BIVM: variants seen among roughly 807,000 people sequenced by gnomAD.
The protein encoded by BIVM is basic, immunoglobulin-like variable motif containing.
In BIVM, 31 loss-of-function variants were observed where a neutral mutation model predicts 61.4. That is an observed-to-expected ratio of 0.51 (90% CI 0.38 to 0.68). The LOEUF is 0.68. Among genes scored for constraint, BIVM ranks in the 30% least tolerant of loss-of-function variants. The pLI is 0.00. For synonymous variants in BIVM, 189 were observed against 210.7 expected (o/e 0.90, Z 0.89); for missense variants, 526 against 596.0 (o/e 0.88, Z 1.22).
chr13:102,839,473 G>A (rs902811638), intron 10 of BIVM, 99 bp from the exon 11 acceptor site: 14 of 1,459,508 alleles, frequency 9.6e-6, no homozygotes, highest in African/African-American at 1.4e-5. Flanking sequence ...TTCTGAGGCC[G>A]GTGAAGTAAA....
chr13:102,811,088 A>G (rs2139165388), intron 3 of BIVM, among the ~76,000 whole-genome samples: 1 of 152,366 alleles, frequency 6.6e-6, no homozygotes, highest in Admixed American at 6.5e-5. Context: ...CTCATAAATC[A>G]TATAGAATAC....
At position 102,813,288 on chromosome 13, in the gene BIVM, T is replaced by A. The variant is rs116137484; in HGVS notation, c.479-3140T>A. Among the ~76,000 whole-genome samples the A allele has an allele frequency of 4.1e-3, 622 of 152,336 alleles. 3 individuals are homozygous for A. The highest frequency in any genetic ancestry group is 0.014 in the African/African-American group (581 of 41,582). On this transcript the variant is annotated intron_variant, in intron 3 of 10. Coordinates refer to ENST00000257336, the MANE Select transcript of BIVM (RefSeq NM_017693.4). ...TCTTCCTGAATTGACCCTTTTATCA[T>A]TATGAAATATATTTCGTTATTCCTG... is the stretch of plus-strand genomic sequence containing the variant.
chr13:102,821,244 G>A, intron 5 of BIVM, 112 bp downstream of exon 5: 1 of 916,428 alleles, frequency 1.1e-6, no homozygotes, highest in South Asian at 1.8e-5. Context: ...ACAAAACCCT[G>A]CTGTATTTTA....
Position 102,816,444 on chromosome 13 carries a change from A to C in BIVM, c.495A>C (p.Gln165His), listed in dbSNP as rs746709677. The C allele has an allele frequency of 5.1e-6, 8 of 1,582,112 alleles. No individual in the cohort carries two copies. In the South Asian group the frequency reaches 9.4e-5, roughly 19 times the overall value. ...GTATTCTAGGCAATGCAAAGAAACA[A>C]GTTTCCAAGAGAAAAACTTCAGATA... ...SKHKSGNAKK[Q>H]VSKRKTSDKK... The change falls in exon 4 of 11, where the codon CAA (glutamine) becomes CAC (histidine). Residue 165 changes from glutamine (Q) to histidine (H), a missense_variant. By Grantham distance (24) the Gln-to-His change is conservative. Transcript: ENST00000257336.
At chr13:102,800,398 C>T (rs971940668) in intron 1 of BIVM, 2 of 152,318 alleles carry the variant, frequency 1.3e-5, no homozygotes, top group African/African-American at 2.4e-5. Flanking sequence ...GAGGAGGCCT[C>T]GGCGGCCCTT....
At chr13:102,839,487 A>T (rs1881695541) in intron 10 of BIVM, 85 bp from the exon 11 acceptor site, 11 of 1,524,050 alleles carry the variant, frequency 7.2e-6, no homozygotes, top group Non-Finnish European at 9.7e-6. Flanking sequence ...AAGTAAAAAA[A>T]GAAAGAAGGG....
intron 1 of BIVM, chr13:102,800,489 G>C (rs375867736): frequency 1.3e-5 from 2 of 152,246 alleles, no homozygotes; most frequent in Non-Finnish European, 2.9e-5. Context: ...AGGGAGCGCA[G>C]CCGCGCTCCT....
intron 1 of BIVM, among the ~76,000 whole-genome samples, chr13:102,800,076 C>T (rs1004022223): frequency 1.3e-5 from 2 of 152,216 alleles, no homozygotes; most frequent in Non-Finnish European, 2.9e-5. Flanking sequence ...GCCCCGAAAA[C>T]CCAGAAGAGC....
At chr13:102,806,610 A>T (rs1879106550) in intron 2 of BIVM, among the ~76,000 whole-genome samples, 1 of 152,130 alleles carries the variant, frequency 6.6e-6, no homozygotes, top group African/African-American at 2.4e-5. Context: ...GCCCATTTTT[A>T]AAAATTGGGC....
intron 7 of BIVM, among the ~76,000 whole-genome samples, chr13:102,826,355 A>C (rs1015702871): frequency 2.6e-5 from 4 of 152,124 alleles, no homozygotes; most frequent in Non-Finnish European, 4.4e-5. Flanking sequence ...CTCAGTTGAC[A>C]GTTTTTCGTG....
At chr13:102,836,086 TAG>T (rs1349266126) in intron 9 of BIVM, among the ~76,000 whole-genome samples, 2 of 152,246 alleles carry the variant, frequency 1.3e-5, no homozygotes, top group Non-Finnish European at 2.9e-5. Flanking sequence ...ATTCATAGTA[TAG>T]ATGTATATTT....
At chr13:102,818,912 C>T (rs1880054536) in intron 4 of BIVM, among the ~76,000 whole-genome samples, 1 of 152,000 alleles carries the variant, frequency 6.6e-6, no homozygotes, top group African/African-American at 2.4e-5. Context: ...GCATGCAATA[C>T]TTTGTTAGTA....
chr13:102,819,840 T>A (rs1272063112), intron 4 of BIVM, among the ~76,000 whole-genome samples: 1 of 152,240 alleles, frequency 6.6e-6, no homozygotes, highest in African/African-American at 2.4e-5. Context: ...AATGCATATA[T>A]GTACACATGC....
chr13:102,811,147 T>A (rs1442377177), intron 3 of BIVM, among the ~76,000 whole-genome samples: 1 of 152,214 alleles, frequency 6.6e-6, no homozygotes, highest in Admixed American at 6.5e-5. Flanking sequence ...TTTATAATTG[T>A]TCGTGTATTA....
At chr13:102,833,861 GTTTCT>G (rs1881285250) in intron 8 of BIVM, among the ~76,000 whole-genome samples, 3 of 152,270 alleles carry the variant, frequency 2.0e-5, no homozygotes, top group Admixed American at 2.0e-4. Flanking sequence ...TATACTGTAT[GTTTCT>G]TTTATGATTT....
At chr13:102,803,989 A>G (rs1878905895) in intron 1 of BIVM, among the ~76,000 whole-genome samples, 1 of 152,188 alleles carries the variant, frequency 6.6e-6, no homozygotes, top group East Asian at 1.9e-4. Context: ...AGGACCCACT[A>G]CAACTACTCC....
intron 1 of BIVM, among the ~76,000 whole-genome samples, chr13:102,802,246 C>T (rs1321971686): frequency 6.6e-6 from 1 of 152,110 alleles, no homozygotes; most frequent in Non-Finnish European, 1.5e-5. Flanking sequence ...CTCTATAGCT[C>T]AGTATTGTCT....
In BIVM at chr13:102,807,066, A is replaced by T; in HGVS notation, c.-122-80A>T. The T allele has an allele frequency of 1.9e-6, 1 of 518,608 alleles. No individual in the cohort carries two copies. Among genetic ancestry groups the T allele is most frequent in the South Asian group, 3.9e-5 (1 of 25,544 alleles). The allele number at this position is 518,608 out of a possible 1,614,324, so 32.1% of individuals were successfully genotyped here. A position where few individuals can be genotyped will look rare whatever the true frequency, so the allele number is the denominator to read the frequency against. On this transcript the variant is annotated intron_variant, in intron 2 of 10. Coordinates refer to ENST00000257336, the MANE Select transcript of BIVM (RefSeq NM_017693.4). The surrounding 1 kb of genome is among the most constrained non-coding windows in gnomAD (Gnocchi z 4.0). ...ATTAATATAGAATGAAGGCATATGTATGCATAAAACTTGCTATGCTTTTTA... is the reference window on the plus strand; with the variant it reads ...ATTAATATAGAATGAAGGCATATGTTTGCATAAAACTTGCTATGCTTTTTA...
intron 3 of BIVM, among the ~76,000 whole-genome samples, chr13:102,808,639 G>A (rs1376764356): frequency 6.6e-6 from 1 of 152,122 alleles, no homozygotes; most frequent in East Asian, 1.9e-4. Flanking sequence ...TTTGTCTAAT[G>A]CCTTTGGCCA....
Sources: gnomAD v4.1 joint callset for allele counts (sites outside exome capture counted in the v4.1 genomes callset) on GRCh38, gnomAD v4.1.1 for gene constraint, Gnocchi (gnomAD v3.1) non-coding constraint, MANE v1.5 for transcripts, NCBI Gene and HGNC (gene_info 2026-07-23, HGNC 2026-07-21) for gene names.